Variants in EXOC6B observed in about 807,000 individuals in gnomAD.
EXOC6B encodes the protein SEC15 homolog B.
In EXOC6B, 54 loss-of-function variants were observed where a neutral mutation model predicts 113.5. That is an observed-to-expected ratio of 0.48 (90% CI 0.38 to 0.60). The LOEUF (loss-of-function observed/expected upper bound fraction) is 0.60. Ranked by LOEUF, EXOC6B falls within the 20% of genes least tolerant of loss-of-function variation. The probability of loss-of-function intolerance (pLI) is 0.00; values close to 1 mark genes in which losing one functional copy is unlikely to be tolerated. For synonymous variants in EXOC6B, 357 were observed against 339.0 expected (o/e 1.05, Z -0.58); for missense variants, 797 against 977.5 (o/e 0.82, Z 2.46).
At chr2:72,230,184 A>G (rs1681527828) in intron 20 of EXOC6B, among the ~76,000 whole-genome samples, 1 of 152,170 alleles carries the variant, frequency 6.6e-6, no homozygotes, top group South Asian at 2.1e-4. Flanking sequence ...AACTCACTAA[A>G]ATTTAACTCC....
intron 6 of EXOC6B, among the ~76,000 whole-genome samples, chr2:72,642,659 C>A (rs970916237): frequency 6.8e-6 from 1 of 148,116 alleles, no homozygotes; most frequent in Non-Finnish European, 1.5e-5. Flanking sequence ...ACCATAAAAA[C>A]CCTAGAAGAA....
At chr2:72,423,625 C>T (rs753652090) in intron 18 of EXOC6B, among the ~76,000 whole-genome samples, 17 of 152,156 alleles carry the variant, frequency 1.1e-4, no homozygotes, top group Non-Finnish European at 1.9e-4. Flanking sequence ...ACTGCTTTAG[C>T]TACCACCTCC....
chr2:72,533,553 C>T (rs920264348), intron 8 of EXOC6B, among the ~76,000 whole-genome samples: 1 of 152,194 alleles, frequency 6.6e-6, no homozygotes, highest in African/African-American at 2.4e-5. Flanking sequence ...CATCATCTCT[C>T]ACTACCCAGT....
intron 20 of EXOC6B, among the ~76,000 whole-genome samples, chr2:72,237,444 CAG>C (rs1682034221): frequency 1.3e-5 from 2 of 148,460 alleles, no homozygotes; most frequent in Admixed American, 1.3e-4. Context: ...TTCAAGGAAA[CAG>C]AGATTCAGCA....
At chr2:72,715,624 G>T (rs1339568146) in intron 6 of EXOC6B, among the ~76,000 whole-genome samples, 3 of 151,968 alleles carry the variant, frequency 2.0e-5, no homozygotes, top group African/African-American at 7.2e-5. Flanking sequence ...AACTTCACGG[G>T]GCCTGCCTAA....
intron 19 of EXOC6B, among the ~76,000 whole-genome samples, chr2:72,376,857 T>A (rs900745123): frequency 8.5e-5 from 13 of 152,136 alleles, no homozygotes; most frequent in African/African-American, 2.7e-4. Context: ...AATTGTTTTT[T>A]TCTTCCTCAT....
chr2:72,398,968 A>G (rs1457329995), intron 18 of EXOC6B, among the ~76,000 whole-genome samples: 1 of 151,650 alleles, frequency 6.6e-6, no homozygotes, highest in African/African-American at 2.4e-5. Flanking sequence ...TCATTCTATG[A>G]AGCCAGTATC....
intron 19 of EXOC6B, 69 bp downstream of exon 19, chr2:72,379,660 C>T (rs1004367964): frequency 7.3e-6 from 11 of 1,514,494 alleles, no homozygotes; most frequent in African/African-American, 6.9e-5. Flanking sequence ...ACACCTAAAA[C>T]TTTTTTTCCC....
At chr2:72,586,135 T>A (rs1279249914) in intron 6 of EXOC6B, among the ~76,000 whole-genome samples, 4 of 152,096 alleles carry the variant, frequency 2.6e-5, no homozygotes, top group African/African-American at 9.7e-5. Flanking sequence ...AACCTCAAAC[T>A]ATTAAAATGC....
At chr2:72,717,989 A>G (rs1243044526) in intron 6 of EXOC6B, 114 bp downstream of exon 6, 1 of 752,308 alleles carries the variant, frequency 1.3e-6, no homozygotes, top group Non-Finnish European at 2.1e-6. Flanking sequence ...GGACTTCCCT[A>G]AAATGATAAG....
chr2:72,277,574 C>G (rs1234816208), intron 20 of EXOC6B, among the ~76,000 whole-genome samples: 1 of 151,992 alleles, frequency 6.6e-6, no homozygotes, highest in Non-Finnish European at 1.5e-5. Context: ...TGACTGCAAC[C>G]TTCGCCTCCT....
intron 20 of EXOC6B, among the ~76,000 whole-genome samples, chr2:72,289,537 CTGTG>C (rs1160012774): frequency 6.6e-6 from 1 of 151,884 alleles, no homozygotes; most frequent in Non-Finnish European, 1.5e-5. Flanking sequence ...GAGTGTGTGT[CTGTG>C]TGTGTATGTG....
intron 8 of EXOC6B, among the ~76,000 whole-genome samples, chr2:72,553,881 G>C (rs1183791210): frequency 3.9e-5 from 6 of 152,028 alleles, no homozygotes; most frequent in African/African-American, 1.4e-4. Context: ...AATTTGAAAA[G>C]AGCCTCTATT....
chr2:72,498,372 C>G, intron 13 of EXOC6B, 82 bp downstream of exon 13: 1 of 896,156 alleles, frequency 1.1e-6, no homozygotes, highest in Admixed American at 2.7e-5. Context: ...CCTATAACAT[C>G]TGAAAACCTT....
intron 11 of EXOC6B, among the ~76,000 whole-genome samples, chr2:72,511,945 G>T (rs1284978550): frequency 6.6e-6 from 1 of 152,076 alleles, no homozygotes; most frequent in Non-Finnish European, 1.5e-5. Context: ...GTCACTTAAA[G>T]AAATTGTTTT....
At chr2:72,743,256 T>G (rs1180479557) in intron 1 of EXOC6B, among the ~76,000 whole-genome samples, 1 of 152,114 alleles carries the variant, frequency 6.6e-6, no homozygotes, top group Non-Finnish European at 1.5e-5. Flanking sequence ...ATTCTGCACT[T>G]TCCATCTACT....
intron 6 of EXOC6B, among the ~76,000 whole-genome samples, chr2:72,583,120 C>T (rs971223084): frequency 1.3e-5 from 2 of 152,040 alleles, no homozygotes; most frequent in Non-Finnish European, 2.9e-5. Context: ...CCTTAAAGAC[C>T]AGTCTTTAAC....
chr2:72,551,877 A>G (rs1194596925), intron 8 of EXOC6B, among the ~76,000 whole-genome samples: 1 of 152,262 alleles, frequency 6.6e-6, no homozygotes, highest in African/African-American at 2.4e-5. Context: ...CATTCAAAGA[A>G]TGTAACTTCT....
intron 1 of EXOC6B, among the ~76,000 whole-genome samples, chr2:72,822,564 C>T (rs1686641944): frequency 6.6e-6 from 1 of 152,086 alleles, no homozygotes; most frequent in Admixed American, 6.5e-5. Context: ...AAAAAATAAT[C>T]CGTATCATAG....
Sources: gnomAD v4.1 joint callset for allele counts (sites outside exome capture counted in the v4.1 genomes callset) on GRCh38, gnomAD v4.1.1 for gene constraint, MANE v1.5 for transcripts, NCBI Gene and HGNC (gene_info 2026-07-23, HGNC 2026-07-21) for gene names.